Variants in VTI1A observed in about 807,000 individuals in gnomAD.
VTI1A encodes vesicle transport through interaction with t-SNAREs 1A.
In VTI1A, 22 loss-of-function variants were observed where a neutral mutation model predicts 34.9. The observed-to-expected ratio is 0.63, with a 90% CI of 0.45 to 0.90. VTI1A has a LOEUF of 0.90. VTI1A is among the 40% of genes least tolerant of loss of function. The pLI is 0.00. For synonymous variants in VTI1A, 87 were observed against 97.3 expected (o/e 0.89, Z 0.62); for missense variants, 268 against 275.6 (o/e 0.97, Z 0.20).
At chr10:112,758,582 G>A (rs558490515) in intron 7 of VTI1A, among the ~76,000 whole-genome samples, 1 of 152,222 alleles carries the variant, frequency 6.6e-6, no homozygotes, top group African/African-American at 2.4e-5. Flanking sequence ...AGCCACAAAG[G>A]CTGGCACTCG....
chr10:112,850,681 C>A, the VTI1A span, among the ~76,000 whole-genome samples: 1 of 152,106 alleles, frequency 6.6e-6, no homozygotes, highest in Non-Finnish European at 1.5e-5. Flanking sequence ...AAATGAGGGC[C>A]CCCCAAATCA....
intron 5 of VTI1A, among the ~76,000 whole-genome samples, chr10:112,549,393 G>T (rs1298553588): frequency 6.6e-6 from 1 of 152,198 alleles, no homozygotes; most frequent in Non-Finnish European, 1.5e-5. Flanking sequence ...AGAATGTTAT[G>T]TGTCCATAAA....
chr10:112,581,687 A>G (rs1411782974), intron 5 of VTI1A, among the ~76,000 whole-genome samples: 2 of 152,210 alleles, frequency 1.3e-5, no homozygotes, highest in Non-Finnish European at 2.9e-5. Context: ...AGATCTATAG[A>G]TCAGCGACAG....
intron 7 of VTI1A, among the ~76,000 whole-genome samples, chr10:112,757,357 T>A (rs1851323875): frequency 8.2e-6 from 1 of 121,510 alleles, no homozygotes; most frequent in Non-Finnish European, 1.7e-5. Context: ...TGTGATTTTT[T>A]TTTTTTTTTT....
rs150896877 is a variant in VTI1A, at chr10:112,543,792, C to T, written c.427+5462C>T. On this transcript the variant is annotated intron_variant, in intron 5 of 7. Transcript: ENST00000393077. ...TGAATGGTATTGCCTAGGTTTTCTT[C>T]TAGAGTTTTTATGGATTTAGGTCTA... is the stretch of plus-strand genomic sequence containing the variant. Among the ~76,000 whole-genome samples the T allele has an allele frequency of 8.6e-3, 1,306 of 152,262 alleles. 12 individuals carry two copies. The highest frequency in any genetic ancestry group is 0.012 in the Non-Finnish European group (790 of 68,014).
chr10:112,676,400 C>G (rs1848028373), intron 7 of VTI1A, among the ~76,000 whole-genome samples: 1 of 152,008 alleles, frequency 6.6e-6, no homozygotes, highest in South Asian at 2.1e-4. Flanking sequence ...AGGGGGGGCT[C>G]CTAGTTGGTC....
chr10:112,603,219 T>A (rs1233216935), intron 5 of VTI1A, among the ~76,000 whole-genome samples: 1 of 152,180 alleles, frequency 6.6e-6, no homozygotes, highest in Non-Finnish European at 1.5e-5. Flanking sequence ...CAAGCATGAG[T>A]ATAACAAGCT....
chr10:112,488,402 C>T (rs1212960956), intron 3 of VTI1A, among the ~76,000 whole-genome samples: 2 of 152,106 alleles, frequency 1.3e-5, no homozygotes, highest in Admixed American at 6.5e-5. Flanking sequence ...AGTACCAAGT[C>T]GAACTATCAT....
intron 1 of VTI1A, among the ~76,000 whole-genome samples, chr10:112,452,142 G>T (rs999895600): frequency 3.3e-5 from 5 of 152,172 alleles, no homozygotes; most frequent in African/African-American, 1.2e-4. Flanking sequence ...ACAATAGTTT[G>T]TTCCTTGTTA....
chr10:112,780,326 T>A (rs1041659547), intron 7 of VTI1A, among the ~76,000 whole-genome samples: 2 of 141,418 alleles, frequency 1.4e-5, no homozygotes, highest in East Asian at 2.0e-4. Context: ...ATAAATAAAA[T>A]AATAACCTAC....
chr10:112,644,376 C>T (rs1035137614), intron 5 of VTI1A, among the ~76,000 whole-genome samples: 4 of 152,054 alleles, frequency 2.6e-5, no homozygotes, highest in Non-Finnish European at 5.9e-5. Context: ...ATTAAAGTGA[C>T]GATGGGTTTT....
At position 112,474,410 on chromosome 10, in the gene VTI1A, G is replaced by C. The variant is rs188938805; in HGVS notation, c.264+9753G>C. ...ATTTATATATTATGTGCATGTGCAT[G>C]CCCATTATTTTCCTTGTTTGCATTC... On this transcript the variant is annotated intron_variant, in intron 3 of 7. Coordinates refer to ENST00000393077, the MANE Select transcript of VTI1A (RefSeq NM_145206.4). Among the ~76,000 whole-genome samples the C allele has an allele frequency of 5.3e-5, 8 of 151,038 alleles. No homozygotes were observed. In the South Asian group the frequency reaches 8.4e-4, roughly 16 times the overall value.
chr10:112,764,428 C>T (rs1035781358), intron 7 of VTI1A, among the ~76,000 whole-genome samples: 1 of 152,110 alleles, frequency 6.6e-6, no homozygotes, highest in East Asian at 1.9e-4. Context: ...AAAAGTGCTT[C>T]GCCTTCCTAG....
chr10:112,798,217 C>T (rs1000532777), intron 7 of VTI1A, among the ~76,000 whole-genome samples: 2 of 152,178 alleles, frequency 1.3e-5, no homozygotes, highest in Non-Finnish European at 2.9e-5. Flanking sequence ...GGGTCGACTT[C>T]AGAGCCTCCA....
chr10:112,532,087 A>G (rs1204267754), intron 4 of VTI1A, among the ~76,000 whole-genome samples: 6 of 152,220 alleles, frequency 3.9e-5, no homozygotes, highest in Admixed American at 6.5e-5. Context: ...TACCCTTTTT[A>G]TAAAGATTCT....
the VTI1A span, among the ~76,000 whole-genome samples, chr10:112,849,460 A>G: frequency 6.6e-6 from 1 of 152,136 alleles, no homozygotes; most frequent in Non-Finnish European, 1.5e-5. Flanking sequence ...AGTGAAATAG[A>G]CTGAACCTCC....
At chr10:112,742,485 C>T (rs1379062516) in intron 7 of VTI1A, among the ~76,000 whole-genome samples, 2 of 152,148 alleles carry the variant, frequency 1.3e-5, no homozygotes, top group South Asian at 2.1e-4. Context: ...ATAAGAAACC[C>T]AAAACTATTT....
intron 5 of VTI1A, among the ~76,000 whole-genome samples, chr10:112,546,090 ATG>A (rs553290493): frequency 3.5e-5 from 5 of 143,384 alleles, no homozygotes; most frequent in South Asian, 2.2e-4. Flanking sequence ...GTATACGCGT[ATG>A]TGTGTATATA....
intron 7 of VTI1A, among the ~76,000 whole-genome samples, chr10:112,713,576 C>CT (rs1849504466): frequency 6.6e-6 from 1 of 152,192 alleles, no homozygotes; most frequent in Non-Finnish European, 1.5e-5. Flanking sequence ...CAGCTCCAGT[C>CT]TATCAGCCTT....
Sources: gnomAD v4.1 joint callset for allele counts (sites outside exome capture counted in the v4.1 genomes callset) on GRCh38, gnomAD v4.1.1 for gene constraint, MANE v1.5 for transcripts, NCBI Gene and HGNC (gene_info 2026-07-23, HGNC 2026-07-21) for gene names.